Variants in PABPC4L observed in about 807,000 individuals in gnomAD.
PABPC4L encodes the protein polyadenylate-binding protein 4-like.
For synonymous variants in PABPC4L, 169 were observed against 164.1 expected, an observed-to-expected ratio of 1.03 and a Z score of -0.23; for missense variants, 452 against 451.4, an observed-to-expected ratio of 1.00 and a Z score of -0.01.
the PABPC4L span, among the ~76,000 whole-genome samples, chr4:134,164,262 CAAAAAAAAAAAAA>C: frequency 1.8e-4 from 6 of 34,176 alleles, no homozygotes; most frequent in South Asian, 8.7e-3. Context: ...GACTCCGTCT[CAAAAAAAAAAAAA>C]AAAAAAAAAA....
chr4:134,134,559 A>T, the PABPC4L span, among the ~76,000 whole-genome samples: 1 of 151,820 alleles, frequency 6.6e-6, no homozygotes, highest in Non-Finnish European at 1.5e-5. Flanking sequence ...ATGTTTAGAT[A>T]ACTAAAACAG....
At chr4:134,020,234 A>T in the PABPC4L span, among the ~76,000 whole-genome samples, 1 of 152,058 alleles carries the variant, frequency 6.6e-6, no homozygotes, top group Non-Finnish European at 1.5e-5. Flanking sequence ...CCGTAGATAG[A>T]GTGGGATGTT....
chr4:134,134,766 A>T, the PABPC4L span, among the ~76,000 whole-genome samples: 1 of 151,036 alleles, frequency 6.6e-6, no homozygotes, highest in African/African-American at 2.4e-5. Context: ...ATATAATACA[A>T]ATATGGTATA....
At chr4:133,986,267 C>G in the PABPC4L span, among the ~76,000 whole-genome samples, 57 of 151,938 alleles carry the variant, frequency 3.8e-4, 2 homozygotes, top group Non-Finnish European at 5.9e-5. Flanking sequence ...TTATATCTTT[C>G]CTTTCAAAAT....
chr4:134,012,870 T>C, the PABPC4L span, among the ~76,000 whole-genome samples: 2 of 152,156 alleles, frequency 1.3e-5, no homozygotes, highest in African/African-American at 4.8e-5. Flanking sequence ...TCCCTTCTCT[T>C]CATTTCAATT....
the PABPC4L span, among the ~76,000 whole-genome samples, chr4:134,012,614 T>TGC: frequency 6.6e-6 from 1 of 152,292 alleles, no homozygotes; most frequent in Admixed American, 6.5e-5. Flanking sequence ...CACATGGACA[T>TGC]GCATGAAATT....
chr4:134,067,803 A>G, the PABPC4L span, among the ~76,000 whole-genome samples: 2 of 152,074 alleles, frequency 1.3e-5, no homozygotes, highest in African/African-American at 4.8e-5. Flanking sequence ...TTCAAGAGCA[A>G]TTTGTTTAAT....
chr4:134,195,308 G>T (rs1729624221), downstream of PABPC4L, among the ~76,000 whole-genome samples: 1 of 151,686 alleles, frequency 6.6e-6, no homozygotes, highest in Non-Finnish European at 1.5e-5. Flanking sequence ...CATGTACAAA[G>T]TTGAAATTAA....
At chr4:134,116,898 A>G in the PABPC4L span, among the ~76,000 whole-genome samples, 1 of 151,752 alleles carries the variant, frequency 6.6e-6, no homozygotes, top group Non-Finnish European at 1.5e-5. Context: ...AAATAATTAA[A>G]TGTATGCATC....
intron 1 of PABPC4L, among the ~76,000 whole-genome samples, 185 bp from the exon 2 acceptor site, chr4:134,201,430 C>A (rs2125710857): frequency 6.6e-6 from 1 of 152,216 alleles, no homozygotes; most frequent in East Asian, 1.9e-4. Flanking sequence ...CAGGGAAGAA[C>A]TCCACAAGCG....
At chr4:134,053,249 A>G in the PABPC4L span, among the ~76,000 whole-genome samples, 1 of 152,124 alleles carries the variant, frequency 6.6e-6, no homozygotes, top group Non-Finnish European at 1.5e-5. Context: ...TGAACTTGGT[A>G]TATTTTAAAA....
the PABPC4L span, among the ~76,000 whole-genome samples, chr4:134,049,525 T>G: frequency 6.6e-6 from 1 of 152,248 alleles, no homozygotes; most frequent in African/African-American, 2.4e-5. Context: ...ACAATAAGAA[T>G]TACAGTGCAG....
the PABPC4L span, among the ~76,000 whole-genome samples, chr4:133,974,000 TAATCTA>T: frequency 6.6e-6 from 1 of 152,104 alleles, no homozygotes; most frequent in African/African-American, 2.4e-5. Flanking sequence ...AGGCTTGAGA[TAATCTA>T]AATCTAAATC....
the PABPC4L span, among the ~76,000 whole-genome samples, chr4:134,163,280 G>T: frequency 6.6e-6 from 1 of 151,940 alleles, no homozygotes; most frequent in Non-Finnish European, 1.5e-5. Flanking sequence ...AATTCCTGGA[G>T]AAATATAACC....
the PABPC4L span, among the ~76,000 whole-genome samples, chr4:134,162,404 C>T: frequency 6.6e-6 from 1 of 152,008 alleles, no homozygotes; most frequent in Non-Finnish European, 1.5e-5. Flanking sequence ...TAGACACCAA[C>T]ACAATAATAA....
At chr4:134,072,016 T>A in the PABPC4L span, among the ~76,000 whole-genome samples, 1 of 150,494 alleles carries the variant, frequency 6.6e-6, no homozygotes, top group East Asian at 1.9e-4. Context: ...ATACATGACA[T>A]CATGGACAAA....
the PABPC4L span, among the ~76,000 whole-genome samples, chr4:134,158,248 A>G: frequency 6.6e-6 from 1 of 152,084 alleles, no homozygotes; most frequent in East Asian, 1.9e-4. Context: ...GTAAACCACT[A>G]TTGATTGTTA....
chr4:133,962,179 G>C, the PABPC4L span, among the ~76,000 whole-genome samples: 1 of 152,282 alleles, frequency 6.6e-6, no homozygotes, highest in South Asian at 2.1e-4. Context: ...ACCCAAATGA[G>C]AAGGAACCAG....
At chr4:133,956,644 T>G in the PABPC4L span, among the ~76,000 whole-genome samples, 1 of 152,134 alleles carries the variant, frequency 6.6e-6, no homozygotes, top group African/African-American at 2.4e-5. Flanking sequence ...CTGAAGATAG[T>G]GTATTAGTCC....
Sources: gnomAD v4.1 joint callset for allele counts (sites outside exome capture counted in the v4.1 genomes callset) on GRCh38, gnomAD v4.1.1 for gene constraint, MANE v1.5 for transcripts, NCBI Gene and HGNC (gene_info 2026-07-23, HGNC 2026-07-21) for gene names.